FNDC3B: variants seen among roughly 807,000 people sequenced by gnomAD.
The protein encoded by FNDC3B is fibronectin type III domain-containing protein 3B.
A neutral mutation model predicts 151.5 loss-of-function variants in FNDC3B; 12 were observed. The ratio of observed to expected loss-of-function variants is 0.08; its 90% CI spans 0.05 to 0.13. FNDC3B has a LOEUF of 0.13. Among genes scored for constraint, FNDC3B ranks in the 10% least tolerant of loss-of-function variants. FNDC3B has a pLI of 1.00. For synonymous variants in FNDC3B, 528 were observed against 549.0 expected (o/e 0.96, Z 0.54); for missense variants, 1,214 against 1,505.3 (o/e 0.81, Z 3.20).
chr3:172,199,513 A>C (rs757090126), intron 3 of FNDC3B, among the ~76,000 whole-genome samples: 1 of 152,186 alleles, frequency 6.6e-6, no homozygotes, highest in Non-Finnish European at 1.5e-5. Context: ...TATTGAACTT[A>C]CCAAGGAAAA....
intron 3 of FNDC3B, among the ~76,000 whole-genome samples, chr3:172,172,498 A>G (rs1238948984): frequency 1.3e-5 from 2 of 152,120 alleles, no homozygotes; most frequent in East Asian, 1.9e-4. Flanking sequence ...TTTTGTTGTC[A>G]TTGTTCCTGG....
intron 3 of FNDC3B, among the ~76,000 whole-genome samples, chr3:172,216,291 G>A: frequency 6.6e-6 from 1 of 152,096 alleles, no homozygotes. Context: ...GTATAAATAA[G>A]CCTATCTTTG....
At chr3:172,118,918 C>T (rs190873208) in intron 2 of FNDC3B, among the ~76,000 whole-genome samples, 20 of 151,946 alleles carry the variant, frequency 1.3e-4, no homozygotes, top group Admixed American at 9.2e-4. Flanking sequence ...CCTGTAATCC[C>T]AGCACTTTGG....
intron 6 of FNDC3B, among the ~76,000 whole-genome samples, chr3:172,256,097 A>C (rs1371241279): frequency 6.6e-6 from 1 of 152,238 alleles, no homozygotes; most frequent in African/African-American, 2.4e-5. Flanking sequence ...TAGAGAATAA[A>C]GTCTAAACTG....
rs553448224 is a variant in FNDC3B, at chr3:172,200,262, A to G, written c.188-26609A>G. On this transcript the variant is annotated intron_variant, in intron 3 of 25. Transcript: ENST00000415807. ...GTACCTAGAGAAAACCCACACAGAC[A>G]TGAGGAGAAGAGAACGGGGAAACTC... Among the ~76,000 whole-genome samples, 3 of 152,360 alleles carry G rather than the reference A, an allele frequency of 2.0e-5. No homozygotes were observed. The South Asian group carries it at 6.2e-4, about 32-fold the overall frequency.
chr3:172,253,434 GT>G lies in FNDC3B; in HGVS notation c.790+1894del, dbSNP rs1280319982. ...AAGTGGCTCACAATGTTTCAGTTGTGTCTGCCTCAAAATGTGGTTGTTGGCT... is the reference window on the plus strand; with the variant it reads ...AAGTGGCTCACAATGTTTCAGTTGTGCTGCCTCAAAATGTGGTTGTTGGCT... On this transcript the variant is annotated intron_variant, in intron 6 of 25. Transcript: ENST00000415807. Among the ~76,000 whole-genome samples the G allele has an allele frequency of 2.0e-5, 3 of 152,164 alleles. No homozygotes were observed. The East Asian group carries it at 5.8e-4, about 29-fold the overall frequency.
intron 4 of FNDC3B, among the ~76,000 whole-genome samples, chr3:172,231,436 A>G (rs1350756008): frequency 1.3e-5 from 2 of 152,204 alleles, no homozygotes; most frequent in Admixed American, 6.5e-5. Flanking sequence ...TTTATGTTAT[A>G]TAAACTAAAT....
At chr3:172,310,913 A>G in intron 11 of FNDC3B, 32 bp downstream of exon 11, 1 of 1,497,450 alleles carries the variant, frequency 6.7e-7, no homozygotes. Flanking sequence ...CCCATCTAAA[A>G]CACCATTTCA....
intron 1 of FNDC3B, among the ~76,000 whole-genome samples, chr3:172,111,546 T>G (rs1223292630): frequency 6.6e-6 from 1 of 152,218 alleles, no homozygotes; most frequent in Non-Finnish European, 1.5e-5. Context: ...TTTTGCCTAT[T>G]TAAAGTAAAA....
chr3:172,134,370 G>A (rs772480780), intron 3 of FNDC3B: 2 of 518,520 alleles, frequency 3.9e-6, no homozygotes, highest in South Asian at 2.8e-5. Flanking sequence ...GTGTTAAAAG[G>A]CACTGTTTAT....
At chr3:172,141,145 TCCC>T (rs10575160) in intron 3 of FNDC3B, among the ~76,000 whole-genome samples, 1 of 151,636 alleles carries the variant, frequency 6.6e-6, no homozygotes, top group East Asian at 1.9e-4. Flanking sequence ...TACTGATTTT[TCCC>T]CCCCCTAAAT....
chr3:172,051,224 C>T (rs925456516), intron 1 of FNDC3B, among the ~76,000 whole-genome samples: 4 of 151,818 alleles, frequency 2.6e-5, no homozygotes, highest in South Asian at 2.1e-4. Context: ...GCTGGGATTA[C>T]AGGCATGCGC....
rs564648569 is a variant in FNDC3B at position 172,136,495 on chromosome 3, T to C, written c.187+2949T>C. On this transcript the variant is annotated intron_variant, in intron 3 of 25. Coordinates refer to ENST00000415807, the MANE Select transcript of FNDC3B (RefSeq NM_022763.4). The stretch of plus-strand genomic sequence containing the variant: ...CAGCTCCAGCTCCAGCTGTTGTTGA[T>C]TGGGGCCAGGGAGGGCTCCAGCTCC... 4.9e-4 allele frequency among the ~76,000 whole-genome samples: 74 copies of C among 152,218 alleles called. 1 individual carries two copies. Among genetic ancestry groups the C allele is most frequent in the African/African-American group, 1.7e-3 (70 of 41,512 alleles).
At chr3:172,307,079 AG>A (rs1278172149) in intron 9 of FNDC3B, 4 of 287,726 alleles carry the variant, frequency 1.4e-5, no homozygotes, top group Non-Finnish European at 2.6e-5. Context: ...TCTGGGGTTA[AG>A]GTTTATTTTC....
intron 7 of FNDC3B, among the ~76,000 whole-genome samples, chr3:172,289,560 C>T (rs1730213423): frequency 6.6e-6 from 1 of 152,226 alleles, no homozygotes; most frequent in Admixed American, 6.5e-5. Context: ...CAGTTTCTGT[C>T]TTTCCTCTTC....
chr3:172,294,253 A>T (rs1730480697), intron 7 of FNDC3B, among the ~76,000 whole-genome samples: 1 of 152,230 alleles, frequency 6.6e-6, no homozygotes. Context: ...GAAGTGTATT[A>T]GTCTGTTCTC....
chr3:172,193,093 A>G (rs976483196), intron 3 of FNDC3B, among the ~76,000 whole-genome samples: 1 of 149,146 alleles, frequency 6.7e-6, no homozygotes, highest in Non-Finnish European at 1.5e-5. Flanking sequence ...CTGTGTCAAT[A>G]TTAGGTCATA....
intron 23 of FNDC3B, among the ~76,000 whole-genome samples, chr3:172,371,186 A>G (rs1734863253): frequency 6.6e-6 from 1 of 152,000 alleles, no homozygotes; most frequent in Non-Finnish European, 1.5e-5. Context: ...TTTGCATATA[A>G]CCTACGCACA....
chr3:172,240,002 G>A (rs965982704), intron 4 of FNDC3B, among the ~76,000 whole-genome samples: 7 of 151,356 alleles, frequency 4.6e-5, no homozygotes, highest in African/African-American at 1.7e-4. Flanking sequence ...CCGAGCAGCT[G>A]GGACTACAGG....
Sources: allele counts gnomAD v4.1 joint callset (sites outside exome capture counted in the v4.1 genomes callset), GRCh38; gene constraint gnomAD v4.1.1; transcripts MANE v1.5; gene names NCBI Gene and HGNC (gene_info 2026-07-23, HGNC 2026-07-21).